Variants in CHD2 observed in about 807,000 individuals in gnomAD.
CHD2 encodes the protein chromodomain helicase DNA binding protein 2.
A neutral mutation model predicts 243.9 loss-of-function variants in CHD2; 28 were observed. That is an observed-to-expected ratio of 0.11 (90% CI 0.09 to 0.16). The LOEUF is 0.16. Ranked by LOEUF, CHD2 falls within the 10% of genes least tolerant of loss-of-function variation. The probability of loss-of-function intolerance (pLI) is 1.00; values close to 1 mark genes in which losing one functional copy is unlikely to be tolerated. For missense variants in CHD2, 1,386 were observed against 2,209.8 expected (o/e 0.63, Z 7.47); for synonymous variants, 775 against 779.0 (o/e 0.99, Z 0.09).
Position 92,998,230 on chromosome 15 carries a change from A to G in CHD2, c.3886-269A>G. On this transcript the variant is annotated intron_variant, in intron 30 of 38. Transcript: ENST00000394196. This position sits in a 1 kb window ranked among gnomAD's most constrained non-coding sequence, Gnocchi z 5.1. ...GCAGATGAAGCCACAAGCCCCTCCTACCTGAGTTGTTCTACCCTGTTAACA... is the reference window on the plus strand; with the variant it reads ...GCAGATGAAGCCACAAGCCCCTCCTGCCTGAGTTGTTCTACCCTGTTAACA... The G allele has an allele frequency of 9.0e-7, 1 of 1,112,152 alleles. No individual in the cohort carries two copies. The highest frequency in any genetic ancestry group is 1.1e-6 in the Non-Finnish European group (1 of 909,394). The allele number at this position is 1,112,152 out of a possible 1,614,324, so 68.9% of individuals were successfully genotyped here. A position where few individuals can be genotyped will look rare whatever the true frequency, so the allele number is the denominator to read the frequency against.
rs1226901847 is a variant in CHD2 at position 93,027,960 on chromosome 15, C to G, written c.*3255C>G. The G allele has an allele frequency of 6.6e-6, 1 of 152,590 alleles. No homozygotes were observed. Among genetic ancestry groups the G allele is most frequent in the Non-Finnish European group, 1.5e-5 (1 of 68,026 alleles). 9.5% of individuals were successfully genotyped at this position (152,590 alleles called of 1,614,324 possible). ...TTGTAAAACTGCTGTACTTTTGATTCTTGTATATTAAAAAGTGTTACTGAG... is the reference window on the plus strand; with the variant it reads ...TTGTAAAACTGCTGTACTTTTGATTGTTGTATATTAAAAAGTGTTACTGAG... On this transcript the variant is annotated 3_prime_UTR_variant, in exon 39 of 39. Coordinates refer to ENST00000394196, the MANE Select transcript of CHD2 (RefSeq NM_001271.4).
chr15:92,953,269 A>C, intron 13 of CHD2, 88 bp from the exon 14 acceptor site: 2 of 990,704 alleles, frequency 2.0e-6, no homozygotes, highest in East Asian at 2.5e-5. Flanking sequence ...TGTTATTGTG[A>C]AGCATTGGTG....
chr15:92,985,962 C>A (rs954979681), intron 26 of CHD2, among the ~76,000 whole-genome samples: 1 of 152,116 alleles, frequency 6.6e-6, no homozygotes, highest in East Asian at 1.9e-4. Flanking sequence ...AATTGACATA[C>A]ATGTATATAC....
intron 2 of CHD2, among the ~76,000 whole-genome samples, chr15:92,913,933 T>A (rs968092933): frequency 6.6e-6 from 1 of 152,220 alleles, no homozygotes; most frequent in African/African-American, 2.4e-5. Flanking sequence ...TGAGTCCCTT[T>A]GCGGTTTCTT....
At chr15:92,994,960 TG>T (rs2054168776) in intron 28 of CHD2, among the ~76,000 whole-genome samples, 1 of 152,234 alleles carries the variant, frequency 6.6e-6, no homozygotes, top group African/African-American at 2.4e-5. Context: ...CTAGATCAAA[TG>T]GAAGATTATT....
chr15:92,909,400 C>A (rs1275223508), intron 2 of CHD2, among the ~76,000 whole-genome samples: 1 of 152,094 alleles, frequency 6.6e-6, no homozygotes, highest in Non-Finnish European at 1.5e-5. Context: ...TAATAAACTC[C>A]AGGGTGTATC....
chr15:93,002,100 G>A, intron 32 of CHD2, 77 bp from the exon 33 acceptor site: 23 of 1,525,142 alleles, frequency 1.5e-5, no homozygotes, highest in Non-Finnish European at 2.0e-5. Flanking sequence ...ACTGGGGGCA[G>A]TGCTTCTTTT....
Position 92,967,419 on chromosome 15 carries a change from C to A in CHD2, c.2095C>A (p.Arg699=), listed in dbSNP as rs1131691515. 4 of 1,613,618 alleles carry A rather than the reference C, an allele frequency of 2.5e-6. No homozygotes were observed. Among genetic ancestry groups the A allele is most frequent in the Non-Finnish European group, 3.4e-6 (4 of 1,179,756 alleles). Reference sequence around the variant, plus strand: ...TAAGGTGCTAGAGCCTTTCCTTCTCCGGAGAGTCAAAAAAGATGTGGAGAA... The same window carrying A: ...TAAGGTGCTAGAGCCTTTCCTTCTCAGGAGAGTCAAAAAAGATGTGGAGAA... The part of the protein sequence containing the change: ...LHKVLEPFLL[R]RVKKDVEKSL... The change falls in exon 17 of 39, where the codon CGG becomes AGG. Residue 699 remains arginine, a synonymous_variant. Transcript: ENST00000394196.
At chr15:92,953,616 T>A (rs1196880718) in intron 14 of CHD2, 43 bp downstream of exon 14, 1 of 1,574,424 alleles carries the variant, frequency 6.4e-7, no homozygotes. Flanking sequence ...GTGTTATAAA[T>A]GTAATTTAGA....
At chr15:92,915,338 G>A (rs760858581) in intron 2 of CHD2, among the ~76,000 whole-genome samples, 8 of 151,818 alleles carry the variant, frequency 5.3e-5, no homozygotes, top group African/African-American at 1.9e-4. Context: ...GCAGTGGTGC[G>A]ATCTCAGCTC....
intron 38 of CHD2, among the ~76,000 whole-genome samples, chr15:93,022,915 G>A (rs1881845): frequency 0.91 from 138,737 of 152,262 alleles, 63,869 homozygotes; most frequent in East Asian, 1. Context: ...ACTGTTCTAT[G>A]CATTTTGTCC....
At position 93,024,893 on chromosome 15, in the gene CHD2, A is replaced by G. The variant is rs2054574276; in HGVS notation, c.*188A>G. Reference sequence around the variant, plus strand: ...ACTGGGTCCAGCTCTGATTCGGGTCACCACTCCTGCACTTTGGCACCCCAT... The same window carrying G: ...ACTGGGTCCAGCTCTGATTCGGGTCGCCACTCCTGCACTTTGGCACCCCAT... On this transcript the variant is annotated 3_prime_UTR_variant, in exon 39 of 39. Transcript: ENST00000394196. 1.9e-5 allele frequency: 11 copies of G among 580,694 alleles called. No homozygotes were observed. The South Asian group carries it at 2.5e-4, about 13-fold the overall frequency. The allele number at this position is 580,694 out of a possible 1,614,324, so 36.0% of individuals were successfully genotyped here.
chr15:92,961,878 T>C (rs1358207722), intron 16 of CHD2, among the ~76,000 whole-genome samples: 14 of 77,088 alleles, frequency 1.8e-4, no homozygotes, highest in Non-Finnish European at 3.2e-4. Context: ...TTTCTTCTCT[T>C]TTTTTTTTTT....
chr15:92,940,792 T>C (rs929447217), intron 7 of CHD2, among the ~76,000 whole-genome samples: 18 of 128,380 alleles, frequency 1.4e-4, no homozygotes, highest in Non-Finnish European at 2.6e-4. Flanking sequence ...AAAAAATATA[T>C]AAATATATAA....
At chr15:92,993,512 G>T in intron 28 of CHD2, among the ~76,000 whole-genome samples, 1 of 152,190 alleles carries the variant, frequency 6.6e-6, no homozygotes, top group East Asian at 1.9e-4. Context: ...GACATGCAGT[G>T]TGTTTTCTCT....
In CHD2 at chr15:93,026,090, A is replaced by G. The variant is rs1462622432; in HGVS notation, c.*1385A>G. The G allele has an allele frequency of 6.5e-6, 1 of 152,684 alleles. No homozygotes were observed. The highest frequency in any genetic ancestry group is 2.4e-5 in the African/African-American group (1 of 41,462). 9.5% of individuals were successfully genotyped at this position (152,684 alleles called of 1,614,324 possible). On this transcript the variant is annotated 3_prime_UTR_variant, in exon 39 of 39. Transcript: ENST00000394196. ...GAAGCAAGTTTGGTTGCATCAATTAAGCAGGCTCTTTTCAATTGACTGATG... is the reference window on the plus strand; with the variant it reads ...GAAGCAAGTTTGGTTGCATCAATTAGGCAGGCTCTTTTCAATTGACTGATG...
chr15:92,944,756 A>G (rs977192642), intron 10 of CHD2: 2 of 234,376 alleles, frequency 8.5e-6, no homozygotes, highest in Non-Finnish European at 1.7e-5. Flanking sequence ...GGTACCATTT[A>G]CCGAAGTGGA....
chr15:93,024,236 A>G (rs908322325), intron 38 of CHD2, 136 bp from the exon 39 acceptor site: 5 of 750,272 alleles, frequency 6.7e-6, no homozygotes, highest in Non-Finnish European at 1.1e-5. Flanking sequence ...CTCTGTTATT[A>G]ATTTTTTTGA....
chr15:92,955,935 C>T (rs1336596027), intron 15 of CHD2, among the ~76,000 whole-genome samples: 1 of 152,168 alleles, frequency 6.6e-6, no homozygotes. Context: ...TAAGGCATTT[C>T]TCCAGAAAAG....
Sources: gnomAD v4.1 joint callset for allele counts (sites outside exome capture counted in the v4.1 genomes callset) on GRCh38, gnomAD v4.1.1 for gene constraint, Gnocchi (gnomAD v3.1) non-coding constraint, MANE v1.5 for transcripts, NCBI Gene and HGNC (gene_info 2026-07-23, HGNC 2026-07-21) for gene names.